NTRK2: variants seen among roughly 807,000 people sequenced by gnomAD.
NTRK2 encodes neurotrophic receptor tyrosine kinase 2.
In NTRK2, 13 loss-of-function variants were observed where a neutral mutation model predicts 94.5. The ratio of observed to expected loss-of-function variants is 0.14; its 90% CI spans 0.09 to 0.22. The LOEUF (loss-of-function observed/expected upper bound fraction) is 0.22, where lower values mean the gene tolerates loss of function less well. Ranked by LOEUF, NTRK2 falls within the 10% of genes least tolerant of loss-of-function variation. The pLI, the probability that NTRK2 is intolerant of heterozygous loss-of-function variation, is 1.00. For synonymous variants in NTRK2, 372 were observed against 407.4 expected, an observed-to-expected ratio of 0.91 and a Z score of 1.05; for missense variants, 639 against 1,071.2, an observed-to-expected ratio of 0.60 and a Z score of 5.63.
At position 84,987,081 on chromosome 9, in the gene NTRK2, GA is replaced by G. The variant is rs371918394; in HGVS notation, c.2172+31570del. Among the ~76,000 whole-genome samples, 31 of 152,262 alleles carry G rather than the reference GA, an allele frequency of 2.0e-4. No homozygotes were observed. The East Asian group carries it at 5.0e-3, about 25-fold the overall frequency. On this transcript the variant is annotated intron_variant, in intron 17 of 18. Transcript: ENST00000277120. ...TCATATATTTGATACCTTTTGATTT[GA>G]AAAAACAAGCATTTAAGACCCAGGT...
Position 84,818,032 on chromosome 9 carries a change from C to T in NTRK2, c.1397-43008C>T, listed in dbSNP as rs924229416. Among the ~76,000 whole-genome samples the T allele has an allele frequency of 5.1e-4, 78 of 152,228 alleles. 1 individual carries two copies. Among genetic ancestry groups the T allele is most frequent in the African/African-American group, 1.9e-3 (78 of 41,510 alleles). The stretch of plus-strand genomic sequence containing the variant: ...CTAATACATCCTTTAGTGAGCTCTA[C>T]CACAGGACCTAAGAGATAATGATAG... On this transcript the variant is annotated intron_variant, in intron 12 of 18. Coordinates refer to ENST00000277120, the MANE Select transcript of NTRK2 (RefSeq NM_006180.6).
At chr9:84,927,712 T>C (rs1238651436) in intron 14 of NTRK2, among the ~76,000 whole-genome samples, 2 of 152,132 alleles carry the variant, frequency 1.3e-5, no homozygotes, top group Non-Finnish European at 2.9e-5. Flanking sequence ...ACTCCTCCTC[T>C]TTGTTTCCTT....
intron 17 of NTRK2, among the ~76,000 whole-genome samples, chr9:84,992,248 G>A (rs1296258770): frequency 6.6e-6 from 1 of 152,076 alleles, no homozygotes; most frequent in East Asian, 1.9e-4. Context: ...ACAGAAGAAA[G>A]TGACCACACT....
intron 15 of NTRK2, among the ~76,000 whole-genome samples, chr9:84,944,215 T>TCTCTCTCACACA (rs1440338055): frequency 1.0e-4 from 12 of 120,312 alleles, no homozygotes; most frequent in Non-Finnish European, 1.5e-4. Context: ...TCTCTCTCTC[T>TCTCTCTCACACA]CACACACACA....
chr9:84,765,179 G>T (rs2065917100), intron 12 of NTRK2, among the ~76,000 whole-genome samples: 1 of 152,112 alleles, frequency 6.6e-6, no homozygotes, highest in Non-Finnish European at 1.5e-5. Context: ...AATAATTGTA[G>T]CTTTTAAAAT....
chr9:84,959,325 G>T (rs1332547915), intron 17 of NTRK2, among the ~76,000 whole-genome samples: 1 of 152,100 alleles, frequency 6.6e-6, no homozygotes, highest in South Asian at 2.1e-4. Context: ...TCTGACCAGG[G>T]CTATCTTATG....
At chr9:84,698,486 T>C (rs1165395156) in intron 2 of NTRK2, among the ~76,000 whole-genome samples, 1 of 152,184 alleles carries the variant, frequency 6.6e-6, no homozygotes, top group Non-Finnish European at 1.5e-5. Flanking sequence ...ATGAATGTTG[T>C]AATATTCTAC....
intron 12 of NTRK2, chr9:84,813,552 T>G: frequency 9.4e-7 from 1 of 1,065,370 alleles, no homozygotes; most frequent in Non-Finnish European, 1.1e-6. Context: ...GCTAAGAAAC[T>G]GAGTTTAACA....
At position 84,730,783 on chromosome 9, in the gene NTRK2, C is replaced by CAAAAAAAAAAAAAAAAAAA; in HGVS notation, c.1159+2831_1159+2849dup. On this transcript the variant is annotated intron_variant, in intron 9 of 18. Transcript: ENST00000277120. ...AAACTAAAGAAAAATAAACAAATAG[C>CAAAAAAAAAAAAAAAAAAA]AAAAAAAAAAAAAAAAAAAAAAAAA... Among the ~76,000 whole-genome samples the CAAAAAAAAAAAAAAAAAAA allele has an allele frequency of 5.4e-4, 13 of 24,142 alleles. 3 individuals are homozygous for CAAAAAAAAAAAAAAAAAAA. The highest frequency in any genetic ancestry group is 9.4e-4 in the Admixed American group (1 of 1,062). 15.8% of individuals were successfully genotyped at this position (24,142 alleles called of 152,430 possible). A position where few individuals can be genotyped will look rare whatever the true frequency, so the allele number is the denominator to read the frequency against.
rs542439278 is a variant in NTRK2 at position 84,820,397 on chromosome 9, C to T, written c.1397-40643C>T. Among the ~76,000 whole-genome samples the T allele has an allele frequency of 8.6e-5, 13 of 152,024 alleles. No homozygotes were observed. In the East Asian group the frequency reaches 1.9e-3, roughly 23 times the overall value. ...GTTGGCCAGGCTGATCTTGAACTCC[C>T]GACCTCGAGTGATTTGCCTGCCTCG... On this transcript the variant is annotated intron_variant, in intron 12 of 18. Coordinates refer to ENST00000277120, the MANE Select transcript of NTRK2 (RefSeq NM_006180.6).
rs1051641307 is a variant in NTRK2, at chr9:84,915,530, G to A, written c.1634-18632G>A. ...CCAGCTCCCTTTCCCTTTCCCATGA[G>A]TGGAAGCAATCTGAGGCCCTCTCCA... On this transcript the variant is annotated intron_variant, in intron 14 of 18. Transcript: ENST00000277120. Among the ~76,000 whole-genome samples the A allele has an allele frequency of 7.2e-5, 11 of 152,154 alleles. 1 individual carries two copies. Among genetic ancestry groups the A allele is most frequent in the Non-Finnish European group, 4.4e-5 (3 of 68,038 alleles).
intron 4 of NTRK2, 33 bp from the exon 5 acceptor site, chr9:84,707,811 A>G (rs373985012): frequency 1.3e-6 from 2 of 1,532,132 alleles, no homozygotes; most frequent in African/African-American, 1.4e-5. Context: ...GTAACATTTT[A>G]AATTCATGTT....
chr9:84,957,556 A>G (rs1824298350), intron 17 of NTRK2, among the ~76,000 whole-genome samples: 3 of 152,130 alleles, frequency 2.0e-5, no homozygotes, highest in African/African-American at 7.2e-5. Flanking sequence ...TCACAATAAG[A>G]CACCATTTCA....
At chr9:84,786,164 C>T (rs1401609078) in intron 12 of NTRK2, among the ~76,000 whole-genome samples, 2 of 152,218 alleles carry the variant, frequency 1.3e-5, no homozygotes, top group Admixed American at 1.3e-4. Context: ...TTCCCACAGT[C>T]CCCTGAAGCT....
intron 14 of NTRK2, among the ~76,000 whole-genome samples, chr9:84,927,581 T>A (rs2077867698): frequency 6.6e-6 from 1 of 152,080 alleles, no homozygotes; most frequent in African/African-American, 2.4e-5. Flanking sequence ...GCTGAACTCA[T>A]ATGCTTTCTC....
At chr9:84,718,075 CTTTT>C (rs200916575) in intron 6 of NTRK2, among the ~76,000 whole-genome samples, 3 of 149,248 alleles carry the variant, frequency 2.0e-5, no homozygotes, top group Non-Finnish European at 4.5e-5. Flanking sequence ...TTTCTTCTTC[CTTTT>C]TTTTTGTAAT....
chr9:84,809,969 C>T (rs1158611835), intron 12 of NTRK2, among the ~76,000 whole-genome samples: 2 of 151,322 alleles, frequency 1.3e-5, no homozygotes, highest in African/African-American at 4.9e-5. Context: ...TTAGCCAGTT[C>T]TCTGGGCCAG....
intron 12 of NTRK2, chr9:84,814,284 C>T (rs201936109): frequency 4.7e-5 from 50 of 1,065,152 alleles, no homozygotes; most frequent in Non-Finnish European, 5.2e-5. Flanking sequence ...TCAGACAGAG[C>T]AGAGGCGACA....
intron 14 of NTRK2, among the ~76,000 whole-genome samples, chr9:84,906,425 G>A (rs2077077582): frequency 6.6e-6 from 1 of 152,188 alleles, no homozygotes; most frequent in Non-Finnish European, 1.5e-5. Flanking sequence ...ACCTTGCAGA[G>A]CAGCTTCAGC....
Sources: gnomAD v4.1 joint callset for allele counts (sites outside exome capture counted in the v4.1 genomes callset) on GRCh38, gnomAD v4.1.1 for gene constraint, MANE v1.5 for transcripts, NCBI Gene and HGNC (gene_info 2026-07-23, HGNC 2026-07-21) for gene names.